Variants in NTM observed in about 807,000 individuals in gnomAD.
The protein encoded by NTM is neurotrimin.
A neutral mutation model predicts 42.1 loss-of-function variants in NTM; 13 were observed. The ratio of observed to expected loss-of-function variants is 0.31; its 90% CI spans 0.20 to 0.49. The LOEUF (loss-of-function observed/expected upper bound fraction) is 0.49, where lower values mean the gene tolerates loss of function less well. Among genes scored for constraint, NTM ranks in the 20% least tolerant of loss-of-function variants. The pLI, the probability that NTM is intolerant of heterozygous loss-of-function variation, is 0.99. For missense variants in NTM, 373 were observed against 452.8 expected, an observed-to-expected ratio of 0.82 and a Z score of 1.60; for synonymous variants, 187 against 179.2, an observed-to-expected ratio of 1.04 and a Z score of -0.35.
At chr11:131,378,958 G>C (rs1164807667) in intron 1 of NTM, among the ~76,000 whole-genome samples, 2 of 152,168 alleles carry the variant, frequency 1.3e-5, no homozygotes, top group Non-Finnish European at 2.9e-5. Context: ...CACTCACATG[G>C]CCAGGACAGC....
intron 2 of NTM, among the ~76,000 whole-genome samples, chr11:132,095,632 A>G (rs2060883196): frequency 6.6e-6 from 1 of 152,218 alleles, no homozygotes; most frequent in Non-Finnish European, 1.5e-5. Flanking sequence ...AGTAGTCGGC[A>G]TGCATGTCCA....
chr11:132,070,459 A>ACGT, intron 2 of NTM, among the ~76,000 whole-genome samples: 1 of 132,902 alleles, frequency 7.5e-6, no homozygotes, highest in African/African-American at 2.8e-5. Flanking sequence ...CCAAGTTAAC[A>ACGT]CATCACACAG....
chr11:131,860,863 ATACT>A (rs1004980070), intron 1 of NTM, among the ~76,000 whole-genome samples: 5 of 152,190 alleles, frequency 3.3e-5, no homozygotes, highest in African/African-American at 9.7e-5. Flanking sequence ...TGCTGGCTAC[ATACT>A]TATGAAAAAG....
At chr11:131,992,255 A>G (rs555161867) in intron 2 of NTM, among the ~76,000 whole-genome samples, 2 of 152,222 alleles carry the variant, frequency 1.3e-5, no homozygotes. Context: ...TTTTCTTAAC[A>G]TTTTCTCGTT....
At chr11:131,866,744 A>G (rs896578516) in intron 1 of NTM, among the ~76,000 whole-genome samples, 4 of 152,230 alleles carry the variant, frequency 2.6e-5, no homozygotes, top group Non-Finnish European at 5.9e-5. Flanking sequence ...GGCTGCCACC[A>G]GGAGGCAGCT....
intron 2 of NTM, among the ~76,000 whole-genome samples, 180 bp downstream of exon 2, chr11:131,911,828 A>G (rs1351547846): frequency 6.6e-6 from 1 of 152,196 alleles, no homozygotes; most frequent in Admixed American, 6.5e-5. Flanking sequence ...TCGTAGGGAA[A>G]GGCTCAGAGG....
At chr11:131,391,284 C>T (rs537186273) in intron 1 of NTM, among the ~76,000 whole-genome samples, 1 of 152,242 alleles carries the variant, frequency 6.6e-6, no homozygotes, top group East Asian at 1.9e-4. Context: ...ACATACTTCT[C>T]TGTCCCCACA....
intron 4 of NTM, among the ~76,000 whole-genome samples, chr11:132,241,836 A>G (rs991860803): frequency 6.6e-6 from 1 of 152,228 alleles, no homozygotes; most frequent in Admixed American, 6.5e-5. Flanking sequence ...TTTATAGTAC[A>G]TTCATCAAGC....
At chr11:131,972,100 C>T (rs1350681667) in intron 2 of NTM, among the ~76,000 whole-genome samples, 1 of 147,480 alleles carries the variant, frequency 6.8e-6, no homozygotes, top group East Asian at 2.0e-4. Context: ...GTAGTCCTAG[C>T]TACTTGGGAG....
chr11:131,410,517 C>CAAAAAAAAAAAAAAAAAAAAAAA (rs1161389222), intron 1 of NTM, among the ~76,000 whole-genome samples: 1 of 32,754 alleles, frequency 3.1e-5, no homozygotes, highest in Non-Finnish European at 5.0e-5. Context: ...AAACAATAAC[C>CAAAAAAAAAAAAAAAAAAAAAAA]AAAAAAAAAA....
intron 1 of NTM, among the ~76,000 whole-genome samples, chr11:131,862,747 T>C (rs1044203161): frequency 6.6e-6 from 1 of 152,226 alleles, no homozygotes; most frequent in African/African-American, 2.4e-5. Flanking sequence ...TAGGACAAGA[T>C]GGCTCCAAAC....
At chr11:131,440,354 C>T (rs1949514546) in intron 1 of NTM, among the ~76,000 whole-genome samples, 1 of 152,140 alleles carries the variant, frequency 6.6e-6, no homozygotes, top group Non-Finnish European at 1.5e-5. Context: ...TAAGTGGGAG[C>T]TACACATTTT....
intron 1 of NTM, among the ~76,000 whole-genome samples, chr11:131,633,788 T>TCTCTCTCTCTCTCTCTCTCA (rs141539738): frequency 3.6e-5 from 2 of 55,086 alleles, no homozygotes; most frequent in Admixed American, 2.3e-4. Context: ...TCTCTCTCTC[T>TCTCTCTCTCTCTCTCTCTCA]CACACACACA....
At chr11:132,304,965 G>A (rs992082560) in intron 4 of NTM, among the ~76,000 whole-genome samples, 1 of 152,076 alleles carries the variant, frequency 6.6e-6, no homozygotes, top group Non-Finnish European at 1.5e-5. Context: ...GAGACCATAC[G>A]CCTTCCCCAA....
At chr11:131,901,487 G>C (rs958387152) in intron 1 of NTM, among the ~76,000 whole-genome samples, 17 of 152,062 alleles carry the variant, frequency 1.1e-4, no homozygotes, top group African/African-American at 3.6e-4. Context: ...CTGCAAACTT[G>C]GGAGAGTTCT....
chr11:132,114,340 G>C (rs544709112), intron 2 of NTM, among the ~76,000 whole-genome samples: 2 of 152,228 alleles, frequency 1.3e-5, no homozygotes, highest in South Asian at 4.1e-4. Context: ...AGGCCCCTGC[G>C]ACCCAGTGTC....
intron 1 of NTM, among the ~76,000 whole-genome samples, chr11:131,579,077 T>G (rs1565660238): frequency 6.6e-6 from 1 of 152,142 alleles, no homozygotes; most frequent in Non-Finnish European, 1.5e-5. Flanking sequence ...GCTTGAGGTG[T>G]TGGGCTGCTG....
intron 4 of NTM, among the ~76,000 whole-genome samples, chr11:132,268,615 G>A (rs1275272865): frequency 6.7e-6 from 1 of 148,322 alleles, no homozygotes. Flanking sequence ...GGTCTCCTCT[G>A]TGTGTGTGTG....
intron 1 of NTM, among the ~76,000 whole-genome samples, chr11:131,497,695 A>T (rs759561629): frequency 6.6e-6 from 1 of 152,156 alleles, no homozygotes; most frequent in Non-Finnish European, 1.5e-5. Context: ...ATGAGTTCTG[A>T]GTCTTCTCTC....
Sources: gnomAD v4.1 joint callset for allele counts (sites outside exome capture counted in the v4.1 genomes callset) on GRCh38, gnomAD v4.1.1 for gene constraint, MANE v1.5 for transcripts, NCBI Gene and HGNC (gene_info 2026-07-23, HGNC 2026-07-21) for gene names.